SLC44A5: variants seen among roughly 807,000 people sequenced by gnomAD.
The protein encoded by SLC44A5 is choline transporter-like protein 5.
A neutral mutation model predicts 101.8 loss-of-function variants in SLC44A5; 57 were observed. The ratio of observed to expected loss-of-function variants is 0.56; its 90% CI spans 0.45 to 0.70. The LOEUF (loss-of-function observed/expected upper bound fraction) is 0.70, where lower values mean the gene tolerates loss of function less well. Ranked by LOEUF, SLC44A5 falls within the 30% of genes least tolerant of loss-of-function variation. SLC44A5 has a pLI of 0.00. For synonymous variants in SLC44A5, 281 were observed against 290.9 expected (o/e 0.97, Z 0.35); for missense variants, 737 against 853.1 (o/e 0.86, Z 1.70).
chr1:75,207,080 T>C (rs569659988), intron 23 of SLC44A5, among the ~76,000 whole-genome samples: 14 of 152,310 alleles, frequency 9.2e-5, no homozygotes, highest in Middle Eastern at 3.4e-3. Flanking sequence ...GAATAGGAAG[T>C]ATATTAATTC....
chr1:75,312,240 C>T lies in SLC44A5; in HGVS notation c.102-11555G>A, dbSNP rs572736130. Among the ~76,000 whole-genome samples, 407 of 152,226 alleles carry T rather than the reference C, an allele frequency of 2.7e-3. 1 individual carries two copies. Among genetic ancestry groups the T allele is most frequent in the Admixed American group, 4.3e-3 (65 of 15,294 alleles). On this transcript the variant is annotated intron_variant, in intron 4 of 23. Coordinates refer to ENST00000370859, the MANE Select transcript of SLC44A5 (RefSeq NM_001130058.2). ...GTGAAGCCTCCCCAGCTATGTGGAA[C>T]GGAGTCAATTAAACCTCTTTCCTTC...
At chr1:75,487,532 A>C (rs1268914801) in intron 2 of SLC44A5, among the ~76,000 whole-genome samples, 2 of 152,180 alleles carry the variant, frequency 1.3e-5, no homozygotes, top group African/African-American at 2.4e-5. Flanking sequence ...CTAAAGAAAT[A>C]ATCTGAATGG....
At chr1:75,580,542 C>T (rs1367033491) in intron 1 of SLC44A5, among the ~76,000 whole-genome samples, 1 of 152,074 alleles carries the variant, frequency 6.6e-6, no homozygotes, top group Non-Finnish European at 1.5e-5. Context: ...AGGAACAAAA[C>T]AGAATAATGA....
At chr1:75,439,491 G>A (rs879554435) in intron 2 of SLC44A5, among the ~76,000 whole-genome samples, 1 of 152,116 alleles carries the variant, frequency 6.6e-6, no homozygotes, top group Non-Finnish European at 1.5e-5. Flanking sequence ...GCTGAGGCAG[G>A]AGGATCACTT....
At chr1:75,242,530 A>G (rs1056876396) in intron 8 of SLC44A5, among the ~76,000 whole-genome samples, 1 of 152,086 alleles carries the variant, frequency 6.6e-6, no homozygotes, top group Non-Finnish European at 1.5e-5. Flanking sequence ...TCTACTTGTT[A>G]CTAAGTTGCT....
chr1:75,262,075 C>T (rs12074497), intron 6 of SLC44A5, among the ~76,000 whole-genome samples: 2,392 of 151,622 alleles, frequency 0.016, 76 homozygotes, highest in African/African-American at 0.055. Context: ...CTTTGAAAAC[C>T]GGCACAACAC....
At chr1:75,344,082 T>C (rs1244523828) in intron 3 of SLC44A5, among the ~76,000 whole-genome samples, 1 of 152,144 alleles carries the variant, frequency 6.6e-6, no homozygotes, top group African/African-American at 2.4e-5. Flanking sequence ...CTCTGAGCAA[T>C]GTGACTTTCT....
intron 1 of SLC44A5, among the ~76,000 whole-genome samples, chr1:75,567,043 T>C (rs184976791): frequency 1.3e-4 from 20 of 152,308 alleles, no homozygotes; most frequent in African/African-American, 4.8e-4. Context: ...CAGTAGTGGA[T>C]AGCAACGTTG....
chr1:75,680,701 A>T, the SLC44A5 span, among the ~76,000 whole-genome samples: 1 of 151,696 alleles, frequency 6.6e-6, no homozygotes, highest in Admixed American at 6.6e-5. Context: ...AATTAAAAGA[A>T]CTAGAAAAGC....
At position 75,222,268 on chromosome 1, in the gene SLC44A5, A is replaced by T; in HGVS notation, c.1085+93T>A. 3.0e-6 allele frequency: 3 copies of T among 1,003,726 alleles called. No individual in the cohort carries two copies. In the South Asian group the frequency reaches 4.1e-5, roughly 14 times the overall value. 62.2% of individuals were successfully genotyped at this position (1,003,726 alleles called of 1,614,324 possible). A position where few individuals can be genotyped will look rare whatever the true frequency, so the allele number is the denominator to read the frequency against. On this transcript the variant is annotated intron_variant, in intron 14 of 23. Transcript: ENST00000370859. ...ACCGCGCCCAGCAAAAAGTGTTCTT[A>T]AAAGGAAAATAGGTGAGATATTTAT...
the SLC44A5 span, among the ~76,000 whole-genome samples, chr1:75,680,538 A>G: frequency 6.6e-6 from 1 of 151,098 alleles, no homozygotes; most frequent in African/African-American, 2.4e-5. Flanking sequence ...ATGAAGGCAG[A>G]AATAAAGATG....
chr1:75,699,388 T>A, the SLC44A5 span, among the ~76,000 whole-genome samples: 7 of 152,052 alleles, frequency 4.6e-5, no homozygotes, highest in African/African-American at 1.7e-4. Context: ...CAGAATTTCA[T>A]ATCCAGCCAA....
intron 1 of SLC44A5, among the ~76,000 whole-genome samples, chr1:75,601,545 G>A (rs2102149885): frequency 6.6e-6 from 1 of 152,140 alleles, no homozygotes; most frequent in South Asian, 2.1e-4. Flanking sequence ...AAAAGAGAGA[G>A]AAATAACATC....
chr1:75,271,002 C>A (rs951890069), intron 6 of SLC44A5, among the ~76,000 whole-genome samples: 2 of 152,086 alleles, frequency 1.3e-5, no homozygotes, highest in Non-Finnish European at 2.9e-5. Context: ...ACTTGGTGCT[C>A]TCTTTGTCCT....
At chr1:75,221,666 A>G (rs1402857911) in intron 14 of SLC44A5, among the ~76,000 whole-genome samples, 1 of 152,186 alleles carries the variant, frequency 6.6e-6, no homozygotes, top group African/African-American at 2.4e-5. Context: ...GATCTCAACC[A>G]TTAATATGAA....
At chr1:75,529,427 A>G (rs900867030) in intron 2 of SLC44A5, among the ~76,000 whole-genome samples, 1 of 152,190 alleles carries the variant, frequency 6.6e-6, no homozygotes, top group African/African-American at 2.4e-5. Context: ...CACACAGTCC[A>G]TCTTCACCTG....
At chr1:75,672,721 G>A in the SLC44A5 span, among the ~76,000 whole-genome samples, 1 of 152,030 alleles carries the variant, frequency 6.6e-6, no homozygotes, top group Non-Finnish European at 1.5e-5. Flanking sequence ...AGAAGAGAAG[G>A]GACAGTAAAG....
At chr1:75,213,491 ATCTCTC>A (rs10530971) in intron 22 of SLC44A5, among the ~76,000 whole-genome samples, 2 of 151,170 alleles carry the variant, frequency 1.3e-5, no homozygotes, top group East Asian at 2.0e-4. Flanking sequence ...GAAAGAGATA[ATCTCTC>A]TCTCTCTCCC....
chr1:75,695,677 A>C, the SLC44A5 span, among the ~76,000 whole-genome samples: 1 of 149,064 alleles, frequency 6.7e-6, no homozygotes, highest in Admixed American at 6.7e-5. Flanking sequence ...TATGAATACT[A>C]TTTAATATAT....
Sources: allele counts gnomAD v4.1 joint callset (sites outside exome capture counted in the v4.1 genomes callset), GRCh38; gene constraint gnomAD v4.1.1; transcripts MANE v1.5; gene names NCBI Gene and HGNC (gene_info 2026-07-23, HGNC 2026-07-21).